LRBA: variants seen among roughly 807,000 people sequenced by gnomAD.
LRBA encodes LPS responsive beige-like anchor protein.
LRBA carries 176 observed loss-of-function variants against 330.0 expected under a neutral mutation model. That is an observed-to-expected ratio of 0.53 (90% CI 0.47 to 0.60). LRBA has a LOEUF of 0.60. LRBA is among the 20% of genes least tolerant of loss of function. LRBA has a pLI of 0.00. For missense variants in LRBA, 3,259 were observed against 3,444.8 expected (o/e 0.95, Z 1.35); for synonymous variants, 1,230 against 1,193.0 (o/e 1.03, Z -0.64).
Position 150,852,437 on chromosome 4 carries a change from TGA to T in LRBA, c.3271_3272del (p.Ser1091ArgfsTer8). 1 of 1,613,596 alleles carries T rather than the reference TGA, an allele frequency of 6.2e-7. No individual in the cohort carries two copies. Among genetic ancestry groups the T allele is most frequent in the Non-Finnish European group, 8.5e-7 (1 of 1,179,992 alleles). ...SISSPSEEDA[S>X]EMPEFLDKSI... is the part of the protein sequence containing the mutation. ...ATTTATCCAAGAATTCTGGCATCTCTGAGGCATCCTCTTCTGAAGGAGAACTT... is the reference window on the plus strand; with the variant it reads ...ATTTATCCAAGAATTCTGGCATCTCTGGCATCCTCTTCTGAAGGAGAACTT... On this transcript the variant is annotated frameshift_variant, in exon 23 of 57. Transcript: ENST00000651943. LOFTEE classifies it high-confidence loss of function.
chr4:150,965,374 G>C (rs1255128994), intron 2 of LRBA, among the ~76,000 whole-genome samples: 1 of 152,148 alleles, frequency 6.6e-6, no homozygotes, highest in African/African-American at 2.4e-5. Flanking sequence ...GCAAGATGTA[G>C]AACAAGGGGT....
chr4:150,869,688 CTAAA>C (rs1489743098), intron 20 of LRBA, among the ~76,000 whole-genome samples: 1 of 151,930 alleles, frequency 6.6e-6, no homozygotes, highest in Non-Finnish European at 1.5e-5. Flanking sequence ...GACTCGGTCT[CTAAA>C]TAAATAAATA....
intron 37 of LRBA, among the ~76,000 whole-genome samples, chr4:150,621,128 T>G (rs1299539098): frequency 6.6e-6 from 1 of 150,896 alleles, no homozygotes; most frequent in African/African-American, 2.4e-5. Flanking sequence ...GGATAAAGAG[T>G]GCAAAAGATT....
chr4:150,802,244 T>C (rs1578826599), intron 33 of LRBA, among the ~76,000 whole-genome samples: 1 of 144,132 alleles, frequency 6.9e-6, no homozygotes, highest in African/African-American at 2.5e-5. Context: ...AAAACCACAG[T>C]GCAAAATTTT....
chr4:150,278,194 T>C (rs1489970897), intron 55 of LRBA, among the ~76,000 whole-genome samples, 190 bp from the exon 56 acceptor site: 2 of 152,192 alleles, frequency 1.3e-5, no homozygotes, highest in African/African-American at 2.4e-5. Context: ...ACAAAGTTCA[T>C]CAATGCTTGA....
chr4:150,975,481 G>A (rs1293159035), intron 2 of LRBA, among the ~76,000 whole-genome samples: 3 of 150,292 alleles, frequency 2.0e-5, no homozygotes, highest in Admixed American at 6.7e-5. Context: ...AGCCCAGATC[G>A]CACCACTGCA....
At chr4:150,686,650 T>C (rs1783652346) in intron 36 of LRBA, among the ~76,000 whole-genome samples, 1 of 152,174 alleles carries the variant, frequency 6.6e-6, no homozygotes, top group South Asian at 2.1e-4. Flanking sequence ...TTCTCTACTA[T>C]ATCCATATCT....
chr4:150,828,762 G>A (rs563096240), intron 29 of LRBA, 141 bp from the exon 30 acceptor site: 8 of 670,846 alleles, frequency 1.2e-5, no homozygotes, highest in South Asian at 3.7e-5. Context: ...AACTAATTAC[G>A]TATTCTACAG....
intron 30 of LRBA, among the ~76,000 whole-genome samples, chr4:150,818,173 C>T (rs1475099464): frequency 6.6e-6 from 1 of 152,080 alleles, no homozygotes; most frequent in Non-Finnish European, 1.5e-5. Context: ...GATCCCTATA[C>T]ATGCATTCAA....
intron 2 of LRBA, among the ~76,000 whole-genome samples, chr4:150,948,723 T>C (rs893789959): frequency 7.9e-5 from 12 of 151,712 alleles, no homozygotes; most frequent in Non-Finnish European, 1.6e-4. Flanking sequence ...AAGAATAATA[T>C]CTAAAAAATA....
intron 54 of LRBA, among the ~76,000 whole-genome samples, chr4:150,284,963 A>G (rs1747966768): frequency 1.3e-5 from 2 of 152,252 alleles, no homozygotes; most frequent in South Asian, 4.1e-4. Flanking sequence ...CCTGTAATAT[A>G]TAATAGGTTC....
chr4:150,906,082 A>G, intron 12 of LRBA, 92 bp from the exon 13 acceptor site: 1 of 1,094,438 alleles, frequency 9.1e-7, no homozygotes, highest in Admixed American at 2.1e-5. Context: ...CTGGCCCACA[A>G]ATTATGCTCA....
rs186192715 is a variant in LRBA, at chr4:150,600,473, A to G, written c.5922-1342T>C. 1.6e-3 allele frequency among the ~76,000 whole-genome samples: 247 copies of G among 152,280 alleles called. 1 individual carries two copies. The highest frequency in any genetic ancestry group is 0.01 in the Middle Eastern group (3 of 294). Reference sequence around the variant, plus strand: ...ATTAAAAACTATCTTGTATTAATAAAAAGCATAAACAGTACGTTATTTAAA... The same window carrying G: ...ATTAAAAACTATCTTGTATTAATAAGAAGCATAAACAGTACGTTATTTAAA... On this transcript the variant is annotated intron_variant, in intron 37 of 56. Transcript: ENST00000651943.
At chr4:150,587,473 TTGCCAGGG>T (rs1295405267) in intron 40 of LRBA, among the ~76,000 whole-genome samples, 1 of 152,188 alleles carries the variant, frequency 6.6e-6, no homozygotes, top group Non-Finnish European at 1.5e-5. Flanking sequence ...AAAAACAAAG[TTGCCAGGG>T]TCTGAAAAGT....
chr4:150,357,983 G>A (rs1738122973), intron 47 of LRBA, among the ~76,000 whole-genome samples: 1 of 152,014 alleles, frequency 6.6e-6, no homozygotes, highest in Non-Finnish European at 1.5e-5. Flanking sequence ...TGACCATAAT[G>A]TAAAAACAAA....
intron 50 of LRBA, among the ~76,000 whole-genome samples, chr4:150,319,920 G>A (rs59268121): frequency 0.022 from 3,365 of 152,212 alleles, 104 homozygotes; most frequent in African/African-American, 0.072. Context: ...GTATTCTAAC[G>A]AGCAGTGCTT....
chr4:150,422,688 TG>T (rs1217560438), intron 46 of LRBA: 12 of 701,774 alleles, frequency 1.7e-5, no homozygotes, highest in Non-Finnish European at 3.1e-5. Flanking sequence ...CAACTGAGAC[TG>T]GCACTGTGGG....
At position 150,592,935 on chromosome 4, in the gene LRBA, A is replaced by AT. The variant is rs1000342003; in HGVS notation, c.6047-2077dup. Reference sequence around the variant, plus strand: ...AGGCGTAAGTCATCTCACCTGGCCTATTTTTTTTTTAAAGGCTAAAAAGAA... The same window carrying AT: ...AGGCGTAAGTCATCTCACCTGGCCTATTTTTTTTTTTAAAGGCTAAAAAGAA... On this transcript the variant is annotated intron_variant, in intron 38 of 56. Transcript: ENST00000651943. 1.5e-3 allele frequency among the ~76,000 whole-genome samples: 230 copies of AT among 148,790 alleles called. 2 individuals are homozygous for AT. Among genetic ancestry groups the AT allele is most frequent in the African/African-American group, 3.9e-3 (159 of 40,940 alleles).
At chr4:150,582,680 T>TC (rs1771532925) in intron 40 of LRBA, 1 of 213,360 alleles carries the variant, frequency 4.7e-6, no homozygotes, top group Non-Finnish European at 9.4e-6. Context: ...CTGAGTTTTT[T>TC]CCCTCTCCTT....
Sources: gnomAD v4.1 joint callset for allele counts (sites outside exome capture counted in the v4.1 genomes callset) on GRCh38, gnomAD v4.1.1 for gene constraint, MANE v1.5 for transcripts, NCBI Gene and HGNC (gene_info 2026-07-23, HGNC 2026-07-21) for gene names.